The following EYS variants were observed in gnomAD, a reference collection of about 807,000 sequenced individuals.
EYS encodes the protein EGF-like photoreceptor maintenance factor.
A neutral mutation model predicts 282.1 loss-of-function variants in EYS; 250 were observed. The observed-to-expected ratio is 0.89, with a 90% CI of 0.80 to 0.98. The LOEUF is 0.98. EYS is among the 50% of genes least tolerant of loss of function. EYS has a pLI of 0.00. For synonymous variants in EYS, 1,355 were observed against 1,282.9 expected (o/e 1.06, Z -1.20); for missense variants, 4,016 against 3,709.0 (o/e 1.08, Z -2.15).
intron 12 of EYS, among the ~76,000 whole-genome samples, chr6:65,157,721 T>C (rs541462084): frequency 6.6e-6 from 1 of 150,726 alleles, no homozygotes; most frequent in Non-Finnish European, 1.5e-5. Flanking sequence ...TATCTGAAAG[T>C]TTTCTTTAAG....
At chr6:63,846,274 G>A (rs770255678) in intron 36 of EYS, among the ~76,000 whole-genome samples, 85 of 152,026 alleles carry the variant, frequency 5.6e-4, no homozygotes, top group Non-Finnish European at 5.1e-4. Flanking sequence ...GTATTCCTCC[G>A]GGAAGCCCCC....
chr6:64,602,398 A>G (rs1766789549), intron 24 of EYS, among the ~76,000 whole-genome samples: 1 of 152,090 alleles, frequency 6.6e-6, no homozygotes, highest in South Asian at 2.1e-4. Flanking sequence ...TACAAGAAAA[A>G]CAACCAACCA....
At chr6:64,299,624 A>T (rs1368357522) in intron 30 of EYS, among the ~76,000 whole-genome samples, 1 of 152,182 alleles carries the variant, frequency 6.6e-6, no homozygotes, top group Admixed American at 6.5e-5. Flanking sequence ...TCATCATGGG[A>T]CAACAGTTAT....
chr6:65,383,131 A>G (rs1017335024), intron 8 of EYS, among the ~76,000 whole-genome samples: 14 of 152,046 alleles, frequency 9.2e-5, no homozygotes, highest in Non-Finnish European at 1.6e-4. Context: ...CCATTTCTAC[A>G]AAACATTTGT....
intron 22 of EYS, among the ~76,000 whole-genome samples, chr6:64,811,852 GT>G (rs1196764207): frequency 2.0e-5 from 3 of 152,080 alleles, no homozygotes; most frequent in Admixed American, 2.0e-4. Context: ...CTGTTATTCT[GT>G]TATAGCAACA....
chr6:64,614,191 T>C (rs1767195729), intron 24 of EYS, among the ~76,000 whole-genome samples: 1 of 152,120 alleles, frequency 6.6e-6, no homozygotes, highest in Non-Finnish European at 1.5e-5. Context: ...AAGAATTTTC[T>C]AATGAAACCA....
intron 31 of EYS, among the ~76,000 whole-genome samples, chr6:64,148,356 T>G (rs1562225025): frequency 6.6e-6 from 1 of 152,182 alleles, no homozygotes. Flanking sequence ...TTGGTGAAAG[T>G]GTGCAAATAA....
At chr6:65,329,701 C>A (rs1442958290) in intron 11 of EYS, 1 of 979,030 alleles carries the variant, frequency 1.0e-6, no homozygotes, top group Non-Finnish European at 1.2e-6. Flanking sequence ...AAATCACGGA[C>A]ATCACGGCAG....
chr6:65,475,319 T>C (rs190648876), intron 5 of EYS, among the ~76,000 whole-genome samples: 2 of 152,274 alleles, frequency 1.3e-5, no homozygotes, highest in East Asian at 3.9e-4. Flanking sequence ...ATAAAAGAGC[T>C]ACTGCTTTTC....
intron 21 of EYS, chr6:64,815,249 C>A: frequency 2.2e-6 from 1 of 461,760 alleles, no homozygotes; most frequent in Non-Finnish European, 4.4e-6. Flanking sequence ...TAAGAAAAAC[C>A]AAGAGCACAT....
At chr6:65,069,459 T>C (rs1318622810) in intron 12 of EYS, among the ~76,000 whole-genome samples, 1 of 151,966 alleles carries the variant, frequency 6.6e-6, no homozygotes, top group Non-Finnish European at 1.5e-5. Context: ...TCATTAAAGG[T>C]AAATCCAAAC....
At chr6:65,577,649 T>C (rs354350) in intron 2 of EYS, among the ~76,000 whole-genome samples, 112,043 of 151,416 alleles carry the variant, frequency 0.74, 42,083 homozygotes, top group African/African-American at 0.86. Flanking sequence ...GTCTACCAAA[T>C]TGTAGAATAT....
chr6:63,785,040 C>A (rs1369788069), intron 39 of EYS, among the ~76,000 whole-genome samples: 1 of 152,170 alleles, frequency 6.6e-6, no homozygotes, highest in African/African-American at 2.4e-5. Flanking sequence ...CAATTTGCAT[C>A]TCTAACAAAC....
At chr6:64,000,677 A>C (rs928285875) in intron 33 of EYS, among the ~76,000 whole-genome samples, 2 of 152,112 alleles carry the variant, frequency 1.3e-5, no homozygotes, top group Admixed American at 6.5e-5. Context: ...ACAAACCCTA[A>C]GCTTCCTCTT....
chr6:64,354,384 T>G (rs1329927542), intron 29 of EYS, among the ~76,000 whole-genome samples: 1 of 151,620 alleles, frequency 6.6e-6, no homozygotes, highest in Non-Finnish European at 1.5e-5. Flanking sequence ...GTGTTAATTT[T>G]TATATAGGAC....
intron 22 of EYS, among the ~76,000 whole-genome samples, chr6:64,730,548 G>C (rs575591521): frequency 6.6e-6 from 1 of 152,178 alleles, no homozygotes; most frequent in Non-Finnish European, 1.5e-5. Flanking sequence ...GCGCGATCTT[G>C]GCTCACTGCA....
intron 8 of EYS, among the ~76,000 whole-genome samples, chr6:65,378,814 C>T (rs1336441592): frequency 6.6e-6 from 1 of 152,002 alleles, no homozygotes; most frequent in Admixed American, 6.6e-5. Context: ...TGTTCTCACT[C>T]ATAAGTGGGA....
intron 5 of EYS, among the ~76,000 whole-genome samples, chr6:65,408,322 T>A (rs1766841234): frequency 6.6e-6 from 1 of 152,096 alleles, no homozygotes; most frequent in Non-Finnish European, 1.5e-5. Context: ...TCAAAAGTGT[T>A]CCTTTCTCTT....
At chr6:64,464,564 C>T (rs1562010044) in intron 26 of EYS, among the ~76,000 whole-genome samples, 1 of 151,984 alleles carries the variant, frequency 6.6e-6, no homozygotes, top group Non-Finnish European at 1.5e-5. Flanking sequence ...CTAAAAAGAC[C>T]ATTAGAACTA....
Sources: allele counts gnomAD v4.1 joint callset (sites outside exome capture counted in the v4.1 genomes callset), GRCh38; gene constraint gnomAD v4.1.1; transcripts MANE v1.5; gene names NCBI Gene and HGNC (gene_info 2026-07-23, HGNC 2026-07-21).